GUCY1A2: variants seen among roughly 807,000 people sequenced by gnomAD.
The protein encoded by GUCY1A2 is guanylate cyclase soluble subunit alpha-2.
GUCY1A2 carries 27 observed loss-of-function variants against 63.5 expected under a neutral mutation model. The ratio of observed to expected loss-of-function variants is 0.43; its 90% CI spans 0.31 to 0.59. GUCY1A2 has a LOEUF of 0.59. Ranked by LOEUF, GUCY1A2 falls within the 20% of genes least tolerant of loss-of-function variation. GUCY1A2 has a pLI of 0.11. For synonymous variants in GUCY1A2, 364 were observed against 343.5 expected (o/e 1.06, Z -0.66); for missense variants, 768 against 913.3 (o/e 0.84, Z 2.05).
chr11:106,742,149 G>A (rs1161573518), intron 6 of GUCY1A2, among the ~76,000 whole-genome samples: 1 of 152,084 alleles, frequency 6.6e-6, no homozygotes, highest in African/African-American at 2.4e-5. Context: ...TAAGTGGGGA[G>A]AAAAAAGTAG....
At chr11:106,799,385 G>A (rs1864827740) in intron 5 of GUCY1A2, among the ~76,000 whole-genome samples, 1 of 152,044 alleles carries the variant, frequency 6.6e-6, no homozygotes, top group Admixed American at 6.6e-5. Flanking sequence ...TCACAGAATT[G>A]GAAAAAACTA....
intron 4 of GUCY1A2, among the ~76,000 whole-genome samples, chr11:106,870,037 T>C (rs923457975): frequency 8.7e-5 from 12 of 137,946 alleles, no homozygotes; most frequent in Non-Finnish European, 1.7e-4. Context: ...TTCTCACTCA[T>C]AGGTGGGAAA....
At chr11:106,800,129 A>G (rs1864846782) in intron 5 of GUCY1A2, among the ~76,000 whole-genome samples, 1 of 152,264 alleles carries the variant, frequency 6.6e-6, no homozygotes, top group East Asian at 1.9e-4. Context: ...CAACAGACAC[A>G]TGAAAAAATG....
chr11:106,941,246 A>G (rs1175186903), intron 3 of GUCY1A2, among the ~76,000 whole-genome samples: 1 of 152,208 alleles, frequency 6.6e-6, no homozygotes, highest in Non-Finnish European at 1.5e-5. Context: ...CTGGCAAAAG[A>G]GTTCCACCTT....
At chr11:106,714,012 TTTTC>T (rs3042477) in intron 6 of GUCY1A2, among the ~76,000 whole-genome samples, 1 of 120,112 alleles carries the variant, frequency 8.3e-6, no homozygotes, top group African/African-American at 3.7e-5. Context: ...TCTTTTTTTC[TTTTC>T]TTTCTGTTAA....
In GUCY1A2 at chr11:106,678,181, C is replaced by A. The variant is rs1862377146; in HGVS notation, c.*9368G>T. 2 of 197,438 alleles carry A rather than the reference C, an allele frequency of 1.0e-5. No homozygotes were observed. Among genetic ancestry groups the A allele is most frequent in the East Asian group, 1.6e-4 (2 of 12,660 alleles). 12.2% of individuals were successfully genotyped at this position (197,438 alleles called of 1,614,324 possible). On this transcript the variant is annotated 3_prime_UTR_variant, in exon 8 of 8. Coordinates refer to ENST00000526355, the MANE Select transcript of GUCY1A2 (RefSeq NM_000855.3). ...TATACAGTCCTCTAGTTTATCTAGA[C>A]CTTCTTGGCTAGAGTTTGATCTACC...
At chr11:106,735,005 T>G (rs1438791449) in intron 6 of GUCY1A2, among the ~76,000 whole-genome samples, 3 of 152,134 alleles carry the variant, frequency 2.0e-5, no homozygotes, top group Non-Finnish European at 2.9e-5. Flanking sequence ...ATTTTTTATT[T>G]TTATGGCTAT....
In GUCY1A2 at chr11:106,994,129, T is replaced by C. The variant is rs569829341; in HGVS notation, c.304-7998A>G. ...GGGGTAAATGTTGACATTATGCTAA[T>C]TGACCCATCTGGGGATTCAAACTAA... On this transcript the variant is annotated intron_variant, in intron 1 of 7. Coordinates refer to ENST00000526355, the MANE Select transcript of GUCY1A2 (RefSeq NM_000855.3). Among the ~76,000 whole-genome samples, 3 of 152,300 alleles carry C rather than the reference T, an allele frequency of 2.0e-5. 1 individual carries two copies. Among genetic ancestry groups the C allele is most frequent in the African/African-American group, 4.8e-5 (2 of 41,572 alleles).
chr11:106,700,779 G>T (rs1366100694), intron 7 of GUCY1A2, among the ~76,000 whole-genome samples: 1 of 151,676 alleles, frequency 6.6e-6, no homozygotes, highest in Non-Finnish European at 1.5e-5. Context: ...AATCACTAGT[G>T]CAGATGAGCA....
chr11:106,923,524 C>T (rs928021962), intron 4 of GUCY1A2, among the ~76,000 whole-genome samples: 1 of 152,182 alleles, frequency 6.6e-6, no homozygotes, highest in Admixed American at 6.5e-5. Flanking sequence ...AATCACACAT[C>T]CCCGTAAACA....
At chr11:106,795,694 T>G (rs559924873) in intron 5 of GUCY1A2, among the ~76,000 whole-genome samples, 140 of 152,278 alleles carry the variant, frequency 9.2e-4, no homozygotes, top group African/African-American at 3.2e-3. Flanking sequence ...TTATATCCAT[T>G]TTAACCCAAA....
intron 1 of GUCY1A2, among the ~76,000 whole-genome samples, chr11:106,987,105 A>G (rs1202103474): frequency 6.6e-6 from 1 of 152,130 alleles, no homozygotes; most frequent in Non-Finnish European, 1.5e-5. Flanking sequence ...ACCTGTAGTC[A>G]ATTAAGCAGA....
Position 106,800,314 on chromosome 11 carries a change from G to A in GUCY1A2, c.1692+9679C>T, listed in dbSNP as rs562666037. Among the ~76,000 whole-genome samples, 546 of 152,280 alleles carry A rather than the reference G, an allele frequency of 3.6e-3. 2 individuals carry two copies. The highest frequency in any genetic ancestry group is 6.2e-3 in the Non-Finnish European group (422 of 68,028). ...GGGACTGTAAACTAGTTCAACCATCGTGGAAGACAGTGTGGCGATTCCTCA... is the reference window on the plus strand; with the variant it reads ...GGGACTGTAAACTAGTTCAACCATCATGGAAGACAGTGTGGCGATTCCTCA... On this transcript the variant is annotated intron_variant, in intron 5 of 7. Transcript: ENST00000526355.
intron 3 of GUCY1A2, among the ~76,000 whole-genome samples, chr11:106,955,972 CTTCTTGAA>C: frequency 6.6e-6 from 1 of 151,896 alleles, no homozygotes. Flanking sequence ...AAGTCCCATA[CTTCTTGAA>C]GACTTTGATC....
chr11:107,000,666 T>C (rs948484041), intron 1 of GUCY1A2, among the ~76,000 whole-genome samples: 4 of 152,158 alleles, frequency 2.6e-5, no homozygotes, highest in Admixed American at 1.3e-4. Context: ...AATACATAGA[T>C]ATAAATAGAT....
In GUCY1A2 at chr11:106,708,675, G is replaced by C. The variant is rs1316676629; in HGVS notation, c.1837-9C>G. On this transcript the variant is annotated splice_polypyrimidine_tract_variant and intron_variant, in intron 6 of 7. Coordinates refer to ENST00000526355, the MANE Select transcript of GUCY1A2 (RefSeq NM_000855.3). ...TGAATTCCTATCCTCATCTAAAGAAGAATGAAAGAGGAAAAGGAACATATT... is the reference window on the plus strand; with the variant it reads ...TGAATTCCTATCCTCATCTAAAGAACAATGAAAGAGGAAAAGGAACATATT... The C allele has an allele frequency of 6.4e-7, 1 of 1,555,752 alleles. No individual in the cohort carries two copies. The highest frequency in any genetic ancestry group is 1.2e-5 in the South Asian group (1 of 84,416).
intron 4 of GUCY1A2, among the ~76,000 whole-genome samples, chr11:106,887,523 G>A (rs1341831290): frequency 1.3e-5 from 2 of 152,018 alleles, no homozygotes; most frequent in African/African-American, 4.8e-5. Context: ...TGCACTGTTC[G>A]TTCTCCACCA....
chr11:106,692,969 A>T (rs980642705), intron 7 of GUCY1A2, among the ~76,000 whole-genome samples: 2 of 152,204 alleles, frequency 1.3e-5, no homozygotes, highest in Non-Finnish European at 2.9e-5. Flanking sequence ...TGCACGTTTG[A>T]AATCACTGTG....
chr11:106,713,496 C>CTT lies in GUCY1A2; in HGVS notation c.1837-4832_1837-4831dup, dbSNP rs143909145. Among the ~76,000 whole-genome samples the CTT allele has an allele frequency of 7.0e-4, 55 of 78,356 alleles. 1 individual carries two copies. Among genetic ancestry groups the CTT allele is most frequent in the South Asian group, 1.2e-3 (2 of 1,736 alleles). 51.4% of individuals were successfully genotyped at this position (78,356 alleles called of 152,430 possible). ...AGCACACTGCAATATTAGTATGTTT[C>CTT]TTTTTTTTTTTTTTTTTTTTTTTTT... On this transcript the variant is annotated intron_variant, in intron 6 of 7. Coordinates refer to ENST00000526355, the MANE Select transcript of GUCY1A2 (RefSeq NM_000855.3).
Sources: gnomAD v4.1 joint callset for allele counts (sites outside exome capture counted in the v4.1 genomes callset) on GRCh38, gnomAD v4.1.1 for gene constraint, MANE v1.5 for transcripts, NCBI Gene and HGNC (gene_info 2026-07-23, HGNC 2026-07-21) for gene names.